TMED2: variants seen among roughly 807,000 people sequenced by gnomAD.
The protein encoded by TMED2 is transmembrane emp24 domain-containing protein 2.
Under a neutral mutation model 17.5 loss-of-function variants are expected in TMED2, and 3 were observed. That is an observed-to-expected ratio of 0.17 (90% CI 0.08 to 0.44). TMED2 has a LOEUF of 0.44. Among genes scored for constraint, TMED2 ranks in the 20% least tolerant of loss-of-function variants. The pLI is 0.99. For missense variants in TMED2, 149 were observed against 254.8 expected, an observed-to-expected ratio of 0.58 and a Z score of 2.83; for synonymous variants, 95 against 91.0, an observed-to-expected ratio of 1.04 and a Z score of -0.25.
chr12:123,594,918 T>TA, intron 3 of TMED2, among the ~76,000 whole-genome samples: 1 of 141,412 alleles, frequency 7.1e-6, no homozygotes, highest in African/African-American at 2.6e-5. Flanking sequence ...ATAATAATAA[T>TA]AAAATACATT....
In TMED2 at chr12:123,598,572, C is replaced by T. The variant is rs1209180407; in HGVS notation, c.*1843C>T. 6.6e-6 allele frequency: 1 copy of T among 152,152 alleles called. No homozygotes were observed. Among genetic ancestry groups the T allele is most frequent in the African/African-American group, 2.4e-5 (1 of 41,426 alleles). The allele number at this position is 152,152 out of a possible 1,614,324, so 9.4% of individuals were successfully genotyped here. On this transcript the variant is annotated 3_prime_UTR_variant, in exon 4 of 4. Coordinates refer to ENST00000262225, the MANE Select transcript of TMED2 (RefSeq NM_006815.4). ...GGCCTGCTGGTAATAAAAGTAGCTA[C>T]CATTTCTTGAGTACTGTGTAATGTC...
chr12:123,589,687 C>T (rs1026504473), intron 2 of TMED2, among the ~76,000 whole-genome samples: 7 of 152,188 alleles, frequency 4.6e-5, no homozygotes, highest in South Asian at 4.1e-4. Context: ...GATGTTTGAA[C>T]CATTTCAAAA....
rs1266263942 is a variant in TMED2 at position 123,584,609 on chromosome 12, G to A, written c.-28G>A. ...GCGGCGGCTGTGGAGGCCGCAGTCC[G>A]GGTCCTGGCTTCGGCCTCAGCCCCA... On this transcript the variant is annotated 5_prime_UTR_variant, in exon 1 of 4. Coordinates refer to ENST00000262225, the MANE Select transcript of TMED2 (RefSeq NM_006815.4). The A allele has an allele frequency of 1.3e-6, 2 of 1,598,064 alleles. No homozygotes were observed. The highest frequency in any genetic ancestry group is 1.1e-5 in the South Asian group (1 of 90,418).
At chr12:123,591,244 C>G (rs1953390004) in intron 3 of TMED2, among the ~76,000 whole-genome samples, 1 of 152,098 alleles carries the variant, frequency 6.6e-6, no homozygotes, top group Non-Finnish European at 1.5e-5. Context: ...AGGTGAAGAT[C>G]AGTTTGGGTC....
intron 1 of TMED2, chr12:123,586,250 G>T (rs890622438): frequency 2.6e-5 from 4 of 152,190 alleles, no homozygotes; most frequent in African/African-American, 9.7e-5. Flanking sequence ...AAGCCATGAA[G>T]TCAACTCTTA....
chr12:123,584,924 T>A, intron 1 of TMED2, 108 bp downstream of exon 1: 1 of 1,398,840 alleles, frequency 7.1e-7, no homozygotes, highest in East Asian at 2.5e-5. Context: ...TGGAAGTCGC[T>A]GTCCGAGTCC....
At chr12:123,594,942 A>T (rs1953420177) in intron 3 of TMED2, among the ~76,000 whole-genome samples, 1 of 150,020 alleles carries the variant, frequency 6.7e-6, no homozygotes, top group East Asian at 2.0e-4. Context: ...AAATAAAAAG[A>T]ATTTGGCCAG....
chr12:123,584,809 A>G lies in TMED2; in HGVS notation c.173A>G (p.Asp58Gly). The G allele has an allele frequency of 6.2e-7, 1 of 1,609,742 alleles. No individual in the cohort carries two copies. Among genetic ancestry groups the G allele is most frequent in the South Asian group, 1.1e-5 (1 of 91,060 alleles). ...EVAEGGFLDI[D>G]VEITGPDNKG... Reference sequence around the variant, plus strand: ...GCGGAGGGCGGCTTCCTGGACATCGACGTGGAGGTGCGGGCTAGCTGCCCG... The same window carrying G: ...GCGGAGGGCGGCTTCCTGGACATCGGCGTGGAGGTGCGGGCTAGCTGCCCG... Residue 58 changes from aspartate (D) to glycine (G), a missense_variant, in exon 1 of 4, where the codon GAC (aspartate) becomes GGC (glycine). Physicochemically the swap from Asp to Gly is moderately conservative, Grantham distance 94. Coordinates refer to ENST00000262225, the MANE Select transcript of TMED2 (RefSeq NM_006815.4).
intron 3 of TMED2, among the ~76,000 whole-genome samples, chr12:123,592,946 C>T (rs1431119823): frequency 6.6e-6 from 1 of 152,046 alleles, no homozygotes; most frequent in Non-Finnish European, 1.5e-5. Context: ...TGGCTCATGC[C>T]TGTAATCTCA....
intron 3 of TMED2, among the ~76,000 whole-genome samples, chr12:123,595,712 A>G (rs1193121472): frequency 2.0e-5 from 3 of 152,174 alleles, no homozygotes; most frequent in South Asian, 2.1e-4. Flanking sequence ...TCTGCTCCCC[A>G]TATACAAGCA....
At chr12:123,585,164 CAGTT>C (rs751679361) in intron 1 of TMED2, 39 of 241,698 alleles carry the variant, frequency 1.6e-4, no homozygotes, top group Middle Eastern at 1.6e-3. Flanking sequence ...TTCTCAGTCA[CAGTT>C]AGCTGGTGGC....
At chr12:123,595,990 C>A (rs1953427947) in intron 3 of TMED2, among the ~76,000 whole-genome samples, 1 of 152,186 alleles carries the variant, frequency 6.6e-6, no homozygotes, top group Non-Finnish European at 1.5e-5. Context: ...TGTGTCATGG[C>A]ATTCCAGCCT....
intron 2 of TMED2, among the ~76,000 whole-genome samples, chr12:123,587,228 T>C (rs189683292): frequency 6.6e-6 from 1 of 152,210 alleles, no homozygotes; most frequent in East Asian, 1.9e-4. Flanking sequence ...CTTACTGCAA[T>C]CTCCGCCTCC....
chr12:123,589,090 C>T (rs1317814086), intron 2 of TMED2, among the ~76,000 whole-genome samples: 1 of 152,162 alleles, frequency 6.6e-6, no homozygotes, highest in Non-Finnish European at 1.5e-5. Flanking sequence ...TCTGTTCATT[C>T]TCATAACGTG....
intron 2 of TMED2, among the ~76,000 whole-genome samples, chr12:123,589,773 A>G (rs117887064): frequency 6.6e-6 from 1 of 151,352 alleles, no homozygotes; most frequent in East Asian, 1.9e-4. Flanking sequence ...TATTTATTTT[A>G]TAAGTGTTTT....
At chr12:123,585,514 A>G (rs1316954638) in intron 1 of TMED2, 3 of 152,210 alleles carry the variant, frequency 2.0e-5, no homozygotes, top group Non-Finnish European at 2.9e-5. Context: ...TTTGTAAACC[A>G]AAAGAATGAT....
intron 1 of TMED2, chr12:123,586,205 A>C (rs1886342602): frequency 6.6e-6 from 1 of 152,274 alleles, no homozygotes; most frequent in African/African-American, 2.4e-5. Flanking sequence ...AAGGATAAAT[A>C]AGACATAAAT....
In TMED2 at chr12:123,598,030, A is replaced by C. The variant is rs1028659974; in HGVS notation, c.*1301A>C. The C allele has an allele frequency of 6.6e-6, 1 of 152,448 alleles. No individual in the cohort carries two copies. Among genetic ancestry groups the C allele is most frequent in the African/African-American group, 2.4e-5 (1 of 41,402 alleles). The allele number at this position is 152,448 out of a possible 1,614,324, so 9.4% of individuals were successfully genotyped here. A position where few individuals can be genotyped will look rare whatever the true frequency, so the allele number is the denominator to read the frequency against. On this transcript the variant is annotated 3_prime_UTR_variant, in exon 4 of 4. Transcript: ENST00000262225. ...ACCTTAGGACAACTGTTGCATGCCA[A>C]GTTTTTTGTGTGTGTGAAACACTTC...
chr12:123,586,741 C>T lies in TMED2; in HGVS notation c.181-6C>T. 2.5e-6 allele frequency: 4 copies of T among 1,579,266 alleles called. No individual in the cohort carries two copies. Among genetic ancestry groups the T allele is most frequent in the Non-Finnish European group, 3.4e-6 (4 of 1,161,324 alleles). On this transcript the variant is annotated splice_polypyrimidine_tract_variant and splice_region_variant and intron_variant, in intron 1 of 3. Transcript: ENST00000262225. ...GACATTTTATGCATTTCTCTCTTGC[C>T]TCCAGATTACAGGACCAGATAACAA...
Sources: gnomAD v4.1 joint callset for allele counts (sites outside exome capture counted in the v4.1 genomes callset) on GRCh38, gnomAD v4.1.1 for gene constraint, MANE v1.5 for transcripts, NCBI Gene and HGNC (gene_info 2026-07-23, HGNC 2026-07-21) for gene names.